Variants in BMP5 observed in about 807,000 individuals in gnomAD.
BMP5 encodes the protein bone morphogenetic protein 5.
Under a neutral mutation model 46.6 loss-of-function variants are expected in BMP5, and 23 were observed. That is an observed-to-expected ratio of 0.49 (90% CI 0.35 to 0.70). The LOEUF is 0.70. Among genes scored for constraint, BMP5 ranks in the 30% least tolerant of loss-of-function variants. The pLI is 0.00. For synonymous variants in BMP5, 204 were observed against 191.9 expected, an observed-to-expected ratio of 1.06 and a Z score of -0.52; for missense variants, 545 against 565.6, an observed-to-expected ratio of 0.96 and a Z score of 0.37.
chr6:55,819,724 C>A lies in BMP5; in HGVS notation c.614G>T (p.Ser205Ile), dbSNP rs778181148. The A allele has an allele frequency of 6.2e-7, 1 of 1,613,800 alleles. No homozygotes were observed. The highest frequency in any genetic ancestry group is 8.5e-7 in the Non-Finnish European group (1 of 1,179,876). ...TGTTTCATTTTCAAATCGGTTGTTG[C>A]TCCGGTCCTTGTATATCCGGAATTC... ...AAEFRIYKDR[S>I]NNRFENETIK... The change falls in exon 2 of 7, where the codon AGC becomes ATC. Residue 205 changes from serine (S) to isoleucine (I), a missense_variant. Physicochemically the swap from Ser to Ile is moderately radical, Grantham distance 142. Transcript: ENST00000370830.
At chr6:55,777,714 A>T (rs1256436361) in intron 3 of BMP5, among the ~76,000 whole-genome samples, 3 of 152,020 alleles carry the variant, frequency 2.0e-5, no homozygotes, top group African/African-American at 4.8e-5. Context: ...TAAGAAAAAG[A>T]TGAGCTGCAG....
intron 1 of BMP5, among the ~76,000 whole-genome samples, chr6:55,822,983 T>C (rs550764133): frequency 6.6e-6 from 1 of 152,174 alleles, no homozygotes; most frequent in East Asian, 1.9e-4. Flanking sequence ...TTGGAATGAG[T>C]AATGGAATAA....
chr6:55,758,709 G>T (rs572780486), intron 6 of BMP5, among the ~76,000 whole-genome samples: 8 of 151,870 alleles, frequency 5.3e-5, no homozygotes, highest in Admixed American at 4.6e-4. Context: ...CAGCCCCAGG[G>T]AACCTGTGTG....
At chr6:55,830,044 T>G (rs1776628727) in intron 1 of BMP5, among the ~76,000 whole-genome samples, 1 of 152,014 alleles carries the variant, frequency 6.6e-6, no homozygotes, top group South Asian at 2.1e-4. Flanking sequence ...GTTTCCCTAA[T>G]ATCATCCTTA....
At chr6:55,796,621 G>A (rs537864603) in intron 2 of BMP5, among the ~76,000 whole-genome samples, 2 of 151,566 alleles carry the variant, frequency 1.3e-5, no homozygotes, top group East Asian at 3.9e-4. Flanking sequence ...TCTAGCATTA[G>A]GTATATCTCC....
chr6:55,836,860 C>A (rs537590925), intron 1 of BMP5, among the ~76,000 whole-genome samples: 3 of 152,108 alleles, frequency 2.0e-5, no homozygotes, highest in African/African-American at 7.2e-5. Flanking sequence ...ACACTAAAAT[C>A]TAAAACGCTT....
intron 2 of BMP5, among the ~76,000 whole-genome samples, chr6:55,815,394 A>C (rs1776235305): frequency 6.6e-6 from 1 of 152,186 alleles, no homozygotes; most frequent in Non-Finnish European, 1.5e-5. Context: ...TATTTGGCAA[A>C]TTAAATAGAA....
intron 1 of BMP5, among the ~76,000 whole-genome samples, chr6:55,851,311 T>C (rs1302174284): frequency 1.3e-5 from 2 of 152,176 alleles, no homozygotes; most frequent in Non-Finnish European, 2.9e-5. Context: ...GTACACAACT[T>C]CCCTTCCTGG....
At chr6:55,786,105 C>T (rs1004037171) in intron 3 of BMP5, among the ~76,000 whole-genome samples, 7 of 151,694 alleles carry the variant, frequency 4.6e-5, no homozygotes, top group Non-Finnish European at 8.9e-5. Context: ...CTAACTTTCT[C>T]GCTTCTCTTT....
chr6:55,792,842 A>T (rs1433061018), intron 3 of BMP5, among the ~76,000 whole-genome samples: 1 of 152,150 alleles, frequency 6.6e-6, no homozygotes, highest in Non-Finnish European at 1.5e-5. Flanking sequence ...AGGGAGGTAG[A>T]CTGTAGGCCT....
chr6:55,868,120 T>G (rs186805470), intron 1 of BMP5, among the ~76,000 whole-genome samples: 2 of 152,324 alleles, frequency 1.3e-5, no homozygotes, highest in African/African-American at 4.8e-5. Context: ...TTAAAATAGC[T>G]GAAGGATTTT....
chr6:55,847,346 A>G (rs1777122074), intron 1 of BMP5, among the ~76,000 whole-genome samples: 1 of 151,906 alleles, frequency 6.6e-6, no homozygotes, highest in Non-Finnish European at 1.5e-5. Context: ...TCCTATCCTG[A>G]GACAAAACTT....
intron 4 of BMP5, among the ~76,000 whole-genome samples, chr6:55,771,268 C>A (rs1410203222): frequency 2.0e-5 from 3 of 151,862 alleles, no homozygotes; most frequent in Non-Finnish European, 2.9e-5. Context: ...GCCTTTATAT[C>A]TTCAAGGATA....
At chr6:55,846,495 A>G (rs1489418378) in intron 1 of BMP5, among the ~76,000 whole-genome samples, 2 of 151,988 alleles carry the variant, frequency 1.3e-5, no homozygotes, top group African/African-American at 2.4e-5. Flanking sequence ...TTGAAAAACT[A>G]TAATAGTCTC....
chr6:55,829,756 T>C (rs1422544194), intron 1 of BMP5, among the ~76,000 whole-genome samples: 3 of 152,006 alleles, frequency 2.0e-5, no homozygotes, highest in Non-Finnish European at 4.4e-5. Context: ...AGAATTGTAT[T>C]AAAGTAATCC....
At chr6:55,865,999 A>T (rs1033970601) in intron 1 of BMP5, among the ~76,000 whole-genome samples, 16 of 152,176 alleles carry the variant, frequency 1.1e-4, no homozygotes, top group African/African-American at 3.6e-4. Context: ...CAAAGAATAC[A>T]TCTACAAAAA....
chr6:55,814,492 G>A (rs2127536555), intron 2 of BMP5, among the ~76,000 whole-genome samples: 1 of 152,144 alleles, frequency 6.6e-6, no homozygotes, highest in African/African-American at 2.4e-5. Flanking sequence ...TTTGCAAACT[G>A]AGACTCCAAG....
At chr6:55,800,652 A>T (rs1775827220) in intron 2 of BMP5, among the ~76,000 whole-genome samples, 1 of 152,212 alleles carries the variant, frequency 6.6e-6, no homozygotes, top group African/African-American at 2.4e-5. Flanking sequence ...AAGACAAAAA[A>T]AATTGACCAA....
At chr6:55,820,041 A>G (rs745577636) in intron 1 of BMP5, among the ~76,000 whole-genome samples, 194 bp from the exon 2 acceptor site, 10 of 152,188 alleles carry the variant, frequency 6.6e-5, no homozygotes, top group Non-Finnish European at 1.2e-4. Flanking sequence ...TTAGTTCAAA[A>G]GCAATATAAC....
Sources: allele counts gnomAD v4.1 joint callset (sites outside exome capture counted in the v4.1 genomes callset), GRCh38; gene constraint gnomAD v4.1.1; transcripts MANE v1.5; gene names NCBI Gene and HGNC (gene_info 2026-07-23, HGNC 2026-07-21).